The following PDE11A variants were observed in gnomAD, a reference collection of about 807,000 sequenced individuals.
PDE11A encodes the protein phosphodiesterase 11A, also known as dual 3',5'-cyclic-AMP and -GMP phosphodiesterase 11A.
Under a neutral mutation model 100.5 loss-of-function variants are expected in PDE11A, and 100 were observed. The ratio of observed to expected loss-of-function variants is 1.00; its 90% CI spans 0.85 to 1.18. The LOEUF is 1.18. Among genes scored for constraint, PDE11A ranks in the 50% most tolerant of loss-of-function variants. The pLI is 0.00. For synonymous variants in PDE11A, 381 were observed against 420.8 expected (o/e 0.91, Z 1.16); for missense variants, 1,141 against 1,152.6 (o/e 0.99, Z 0.15).
Position 177,867,601 on chromosome 2 carries a change from C to T in PDE11A, c.1367+8258G>A, listed in dbSNP as rs115374604. ...AAATTAGCTGGGTGTGGTGGCGGGC[C>T]TGTAGTCCTAGCTACTCGGCAGGCT... On this transcript the variant is annotated intron_variant, in intron 5 of 19. Transcript: ENST00000286063. Among the ~76,000 whole-genome samples, 1,105 of 152,230 alleles carry T rather than the reference C, an allele frequency of 7.3e-3. 13 individuals carry two copies. Among genetic ancestry groups the T allele is most frequent in the African/African-American group, 0.025 (1,029 of 41,538 alleles).
Position 177,697,341 on chromosome 2 carries a change from A to C in PDE11A, c.2336T>G (p.Leu779Arg). ...AAATGCCAATACCTACTCAAAGTAC[A>C]GCGTGAGGTCTGTTGCCAATATTGA... ...KQSILATDLT[L>R]YFERRTEFFE... Residue 779 changes from leucine to arginine, a missense_variant, in exon 15 of 20, where the codon CTG becomes CGG. Leu to Arg is a moderately radical substitution (Grantham distance 102). Coordinates refer to ENST00000286063, the MANE Select transcript of PDE11A (RefSeq NM_016953.4). 6.5e-7 allele frequency: 1 copy of C among 1,529,420 alleles called. No individual in the cohort carries two copies. The highest frequency in any genetic ancestry group is 9.1e-7 in the Non-Finnish European group (1 of 1,102,856). 94.7% of individuals were successfully genotyped at this position (1,529,420 alleles called of 1,614,324 possible).
intron 2 of PDE11A, among the ~76,000 whole-genome samples, chr2:178,080,158 T>C (rs1001970014): frequency 6.6e-6 from 1 of 152,226 alleles, no homozygotes; most frequent in Admixed American, 6.5e-5. Flanking sequence ...TTAGATCCCA[T>C]TTGTCAATTT....
intron 9 of PDE11A, among the ~76,000 whole-genome samples, chr2:177,790,560 G>T (rs1238169363): frequency 6.6e-6 from 1 of 152,110 alleles, no homozygotes; most frequent in African/African-American, 2.4e-5. Context: ...AAACTAAAGG[G>T]CTTCTGCACA....
chr2:177,878,455 G>T (rs767384411), intron 4 of PDE11A, among the ~76,000 whole-genome samples: 1 of 152,124 alleles, frequency 6.6e-6, no homozygotes, highest in African/African-American at 2.4e-5. Flanking sequence ...TGAAATATGT[G>T]TGCTTGGAGC....
intron 10 of PDE11A, among the ~76,000 whole-genome samples, chr2:177,762,959 C>A (rs1290490450): frequency 2.0e-5 from 3 of 152,294 alleles, no homozygotes; most frequent in Admixed American, 2.0e-4. Context: ...ATGCTCAGCA[C>A]CCACTCCCCC....
chr2:177,643,551 C>A (rs2080177117), intron 19 of PDE11A, among the ~76,000 whole-genome samples: 1 of 152,024 alleles, frequency 6.6e-6, no homozygotes, highest in Non-Finnish European at 1.5e-5. Context: ...ATATGAAACA[C>A]AGCATAAAAG....
intron 12 of PDE11A, among the ~76,000 whole-genome samples, chr2:177,726,728 T>G (rs1312115163): frequency 6.6e-6 from 1 of 151,510 alleles, no homozygotes; most frequent in Non-Finnish European, 1.5e-5. Flanking sequence ...AAAATGCATT[T>G]CATTTGGCGT....
At position 177,627,373 on chromosome 2, in the gene PDE11A, T is replaced by A. The variant is rs1056942234; in HGVS notation, c.*2034A>T. The A allele has an allele frequency of 6.6e-6, 1 of 151,850 alleles. No individual in the cohort carries two copies. Among genetic ancestry groups the A allele is most frequent in the Non-Finnish European group, 1.5e-5 (1 of 67,994 alleles). The allele number at this position is 151,850 out of a possible 1,614,324, so 9.4% of individuals were successfully genotyped here. A position where few individuals can be genotyped will look rare whatever the true frequency, so the allele number is the denominator to read the frequency against. ...TTACTTTGTTTCTTGCCATAAAGAG[T>A]CTTTTTCTCTACAATTACCTGCTCT... On this transcript the variant is annotated 3_prime_UTR_variant, in exon 20 of 20. Coordinates refer to ENST00000286063, the MANE Select transcript of PDE11A (RefSeq NM_016953.4).
In PDE11A at chr2:178,033,487, T is replaced by G. The variant is rs13432633; in HGVS notation, c.913-19027A>C. ...TTGGAAAACACACTTCAGGATATCATCCAGGAGAACTTCCCCAACCTAGCA... is the reference window on the plus strand; with the variant it reads ...TTGGAAAACACACTTCAGGATATCAGCCAGGAGAACTTCCCCAACCTAGCA... On this transcript the variant is annotated intron_variant, in intron 1 of 19. Transcript: ENST00000286063. Among the ~76,000 whole-genome samples the G allele has an allele frequency of 9.7e-3, 1,482 of 152,234 alleles. 21 individuals are homozygous for G. Among genetic ancestry groups the G allele is most frequent in the African/African-American group, 0.034 (1,408 of 41,516 alleles).
Position 177,881,388 on chromosome 2 carries a change from CATCT to C in PDE11A, c.1303-5469_1303-5466del, listed in dbSNP as rs1165980492. The stretch of plus-strand genomic sequence containing the variant: ...CTATCTATCTATCTATCTATCTATC[CATCT>C]ATCTATCTAGTCTCCTATTGGTTCT... On this transcript the variant is annotated intron_variant, in intron 4 of 19. Transcript: ENST00000286063. Among the ~76,000 whole-genome samples the C allele has an allele frequency of 7.5e-3, 728 of 97,094 alleles. 4 individuals carry two copies. The highest frequency in any genetic ancestry group is 0.025 in the African/African-American group (657 of 26,038). 63.7% of individuals were successfully genotyped at this position (97,094 alleles called of 152,430 possible).
At chr2:178,083,466 A>G (rs1226270320) in intron 2 of PDE11A, among the ~76,000 whole-genome samples, 2 of 152,192 alleles carry the variant, frequency 1.3e-5, no homozygotes, top group Admixed American at 1.3e-4. Context: ...AAGCCAGAAA[A>G]TAAAAACAAA....
intron 4 of PDE11A, among the ~76,000 whole-genome samples, chr2:177,882,453 C>T (rs145452656): frequency 3.3e-5 from 5 of 152,160 alleles, no homozygotes; most frequent in African/African-American, 1.2e-4. Context: ...CTGACTTGGA[C>T]CAATTATATA....
chr2:177,967,879 A>C (rs2085718462), intron 2 of PDE11A, among the ~76,000 whole-genome samples: 1 of 152,228 alleles, frequency 6.6e-6, no homozygotes, highest in Non-Finnish European at 1.5e-5. Flanking sequence ...TGTAAATTCC[A>C]TGAGGACAAA....
intron 5 of PDE11A, among the ~76,000 whole-genome samples, chr2:177,847,600 A>C (rs1331891198): frequency 6.6e-6 from 1 of 152,062 alleles, no homozygotes; most frequent in Non-Finnish European, 1.5e-5. Flanking sequence ...TCCTTCCCTG[A>C]CCTCCAACCT....
intron 10 of PDE11A, among the ~76,000 whole-genome samples, chr2:177,763,633 C>G (rs964306514): frequency 6.6e-6 from 1 of 152,152 alleles, no homozygotes; most frequent in Non-Finnish European, 1.5e-5. Context: ...TCTGCCACCC[C>G]GCTGCTGTCC....
At chr2:177,793,117 G>A (rs552997998) in intron 9 of PDE11A, among the ~76,000 whole-genome samples, 5 of 152,316 alleles carry the variant, frequency 3.3e-5, no homozygotes, top group East Asian at 3.9e-4. Context: ...ATGTAAGTGG[G>A]CAGAGGAGAC....
At chr2:178,063,151 T>C (rs1280737637) in intron 1 of PDE11A, among the ~76,000 whole-genome samples, 3 of 152,242 alleles carry the variant, frequency 2.0e-5, no homozygotes, top group Admixed American at 6.5e-5. Context: ...TTGCATTTTG[T>C]ACTAGAAAAA....
chr2:177,771,195 C>T (rs2082306595), intron 9 of PDE11A, among the ~76,000 whole-genome samples: 1 of 152,226 alleles, frequency 6.6e-6, no homozygotes, highest in Non-Finnish European at 1.5e-5. Context: ...TCTTCACCTA[C>T]AAACCTTAGA....
chr2:177,755,024 T>G (rs1348535318), intron 10 of PDE11A, among the ~76,000 whole-genome samples: 2 of 152,206 alleles, frequency 1.3e-5, no homozygotes, highest in African/African-American at 4.8e-5. Flanking sequence ...CTGTGGGTTA[T>G]TGGTTGATCC....
Sources: allele counts gnomAD v4.1 joint callset (sites outside exome capture counted in the v4.1 genomes callset), GRCh38; gene constraint gnomAD v4.1.1; transcripts MANE v1.5; gene names NCBI Gene and HGNC (gene_info 2026-07-23, HGNC 2026-07-21).